Variants in NSD2 observed in about 807,000 individuals in gnomAD.
The protein encoded by NSD2 is nuclear receptor binding SET domain protein 2, also known as histone-lysine N-methyltransferase NSD2.
In NSD2, 12 loss-of-function variants were observed where a neutral mutation model predicts 139.0. That is an observed-to-expected ratio of 0.09 (90% CI 0.06 to 0.14). The LOEUF is 0.14. NSD2 is among the 10% of genes least tolerant of loss of function. NSD2 has a pLI of 1.00. For missense variants in NSD2, 1,155 were observed against 1,745.0 expected, an observed-to-expected ratio of 0.66 and a Z score of 6.02; for synonymous variants, 669 against 648.7, an observed-to-expected ratio of 1.03 and a Z score of -0.48.
At chr4:1,966,289 A>T (rs951812922) in intron 18 of NSD2, among the ~76,000 whole-genome samples, 1 of 152,226 alleles carries the variant, frequency 6.6e-6, no homozygotes, top group African/African-American at 2.4e-5. Flanking sequence ...AAGTAAATAC[A>T]TGGTCAGCTA....
At chr4:1,917,239 C>A (rs1474754245) in intron 4 of NSD2, among the ~76,000 whole-genome samples, 4 of 151,516 alleles carry the variant, frequency 2.6e-5, no homozygotes, top group Non-Finnish European at 5.9e-5. Context: ...TTTTTTTGCT[C>A]ATTTGATGAC....
Position 1,964,467 on chromosome 4 carries a change from A to G in NSD2, c.3372+3316A>G, listed in dbSNP as rs1018949515. Among the ~76,000 whole-genome samples the G allele has an allele frequency of 3.9e-5, 6 of 152,174 alleles. No individual in the cohort carries two copies. The East Asian group carries it at 1.2e-3, about 29-fold the overall frequency. ...GCTCTTGGCACAGCAGCGGCTACCC[A>G]TGCCCCACAGACAGCCATGCACATG... On this transcript the variant is annotated intron_variant, in intron 18 of 21. Transcript: ENST00000508803.
chr4:1,909,139 G>T (rs1290337391), intron 3 of NSD2, among the ~76,000 whole-genome samples: 1 of 151,980 alleles, frequency 6.6e-6, no homozygotes, highest in African/African-American at 2.4e-5. Context: ...TTTGACCAGT[G>T]GGAGTTCTAT....
intron 3 of NSD2, among the ~76,000 whole-genome samples, chr4:1,909,528 G>A (rs1239919839): frequency 6.6e-6 from 1 of 152,146 alleles, no homozygotes; most frequent in Non-Finnish European, 1.5e-5. Context: ...GAGTGTCGTT[G>A]TTTTGGAAGG....
rs112893919 is a variant in NSD2, at chr4:1,904,201, G to T, written c.598-15G>T. ...TTGGATGTGTTAGTGTTTGTCTTCT[G>T]TTGTTCATTTTCAGATTCCAGCTAA... On this transcript the variant is annotated splice_polypyrimidine_tract_variant and intron_variant, in intron 2 of 21. Transcript: ENST00000508803. 6.2e-7 allele frequency: 1 copy of T among 1,611,162 alleles called. No individual in the cohort carries two copies. The highest frequency in any genetic ancestry group is 8.5e-7 in the Non-Finnish European group (1 of 1,178,068).
At chr4:1,930,540 G>A in intron 5 of NSD2, 86 bp from the exon 6 acceptor site, 1 of 1,390,542 alleles carries the variant, frequency 7.2e-7, no homozygotes, top group African/African-American at 1.4e-5. Context: ...AAGTTCTAAA[G>A]GGCCGTGCAT....
chr4:1,933,308 C>G (rs1219511060), intron 6 of NSD2, among the ~76,000 whole-genome samples: 1 of 152,252 alleles, frequency 6.6e-6, no homozygotes, highest in East Asian at 1.9e-4. Context: ...GCTGAGCACT[C>G]TTTTGCTGGT....
chr4:1,939,763 C>T lies in NSD2; in HGVS notation c.1866C>T (p.Ser622=), dbSNP rs1560711604. The change falls in exon 9 of 22, where the codon TCC becomes TCT. Residue 622 remains serine (S), a synonymous_variant. Transcript: ENST00000508803. ...GFSKSSSPSA[S]LTENEVSDSP... ...GCAAAAGTTCATCTCCTTCTGCATC[C>T]TTAACTGAGAATGAGGTAAAATAAT... is the stretch of plus-strand genomic sequence containing the variant. The T allele has an allele frequency of 6.2e-7, 1 of 1,614,184 alleles. No homozygotes were observed. Among genetic ancestry groups the T allele is most frequent in the Non-Finnish European group, 8.5e-7 (1 of 1,180,034 alleles).
Position 1,979,221 on chromosome 4 carries a change from G to A in NSD2, c.*312G>A, listed in dbSNP as rs959414780. On this transcript the variant is annotated 3_prime_UTR_variant, in exon 22 of 22. Coordinates refer to ENST00000508803, the MANE Select transcript of NSD2 (RefSeq NM_001042424.3). ...TCCCACTCTATTTTTTTAGGTTAAA[G>A]TTAATTGGCATATGGAATGTTTTAA... is the stretch of plus-strand genomic sequence containing the variant. 6.2e-6 allele frequency: 2 copies of A among 322,156 alleles called. No individual in the cohort carries two copies. The highest frequency in any genetic ancestry group is 4.9e-5 in the Admixed American group (1 of 20,316). 20.0% of individuals were successfully genotyped at this position (322,156 alleles called of 1,614,324 possible). A position where few individuals can be genotyped will look rare whatever the true frequency, so the allele number is the denominator to read the frequency against.
At chr4:1,947,369 A>G in intron 9 of NSD2, 1 of 1,061,706 alleles carries the variant, frequency 9.4e-7, no homozygotes. Flanking sequence ...CGGCTACACA[A>G]AAGCCTGTGC....
rs1402620802 is a variant in NSD2, at chr4:1,958,526, T to C, written c.2985+490T>C. On this transcript the variant is annotated intron_variant, in intron 16 of 21. Coordinates refer to ENST00000508803, the MANE Select transcript of NSD2 (RefSeq NM_001042424.3). The surrounding 1 kb of genome is among the most constrained non-coding windows in gnomAD (Gnocchi z 4.6). ...AGGAAGTGCAGCCAGGGCAGGGCTC[T>C]GTGAGAGCTCCAGGCCCCTCAGGGC... 1.3e-5 allele frequency among the ~76,000 whole-genome samples: 2 copies of C among 152,236 alleles called. No homozygotes were observed. The highest frequency in any genetic ancestry group is 1.3e-4 in the Admixed American group (2 of 15,284).
chr4:1,892,430 G>A (rs1715651900), intron 1 of NSD2, among the ~76,000 whole-genome samples: 1 of 152,134 alleles, frequency 6.6e-6, no homozygotes, highest in Non-Finnish European at 1.5e-5. Flanking sequence ...GCCCCTTAAC[G>A]TGTCAGGTAA....
At chr4:1,882,703 A>C (rs1260010767) in intron 1 of NSD2, among the ~76,000 whole-genome samples, 2 of 152,170 alleles carry the variant, frequency 1.3e-5, no homozygotes, top group African/African-American at 4.8e-5. Context: ...AACTGGGTTG[A>C]GCCAAGTAAC....
At chr4:1,891,773 C>T (rs1199332683) in intron 1 of NSD2, among the ~76,000 whole-genome samples, 1 of 149,560 alleles carries the variant, frequency 6.7e-6, no homozygotes, top group Non-Finnish European at 1.5e-5. Context: ...AGGAGAATGG[C>T]GTGAACACGG....
chr4:1,961,534 A>T (rs1725369257), intron 18 of NSD2, among the ~76,000 whole-genome samples: 1 of 152,224 alleles, frequency 6.6e-6, no homozygotes, highest in South Asian at 2.1e-4. Context: ...AGGTCTCAGC[A>T]TCTTCTCTGT....
chr4:1,965,136 T>C (rs1377629090), intron 18 of NSD2, among the ~76,000 whole-genome samples: 1 of 130,208 alleles, frequency 7.7e-6, no homozygotes, highest in Non-Finnish European at 1.6e-5. Context: ...GCAGAAACTA[T>C]CCCTAAAAGA....
At chr4:1,917,775 A>G (rs923801226) in intron 4 of NSD2, among the ~76,000 whole-genome samples, 1 of 139,258 alleles carries the variant, frequency 7.2e-6, no homozygotes, top group African/African-American at 2.7e-5. Flanking sequence ...ATGTAAAAGT[A>G]TTCTTTTTTT....
chr4:1,933,299 C>T (rs952679681), intron 6 of NSD2, among the ~76,000 whole-genome samples: 1 of 152,264 alleles, frequency 6.6e-6, no homozygotes, highest in African/African-American at 2.4e-5. Context: ...CCCTGTGGAG[C>T]TGAGCACTCT....
At position 1,904,373 on chromosome 4, in the gene NSD2, T is replaced by A; in HGVS notation, c.755T>A (p.Leu252His). The A allele has an allele frequency of 6.2e-7, 1 of 1,610,288 alleles. No individual in the cohort carries two copies. The highest frequency in any genetic ancestry group is 8.5e-7 in the Non-Finnish European group (1 of 1,178,194). ...CCACTCCTTCACAGCTATACCAAAC[T>A]TAAAGGTATTGTGTTCTTTGGGTTG... is the stretch of plus-strand genomic sequence containing the variant. The part of the protein sequence containing the change: ...ADPLLHSYTK[L>H]KGQKKSARQY... Residue 252 changes from leucine to histidine, a missense_variant, in exon 3 of 22, where the codon CTT becomes CAT. Physicochemically the swap from Leu to His is moderately conservative, Grantham distance 99. This residue lies in a region of NSD2 where 34 missense variants were observed against 75.2 expected (regional missense o/e 0.45). Transcript: ENST00000508803.
Sources: allele counts gnomAD v4.1 joint callset (sites outside exome capture counted in the v4.1 genomes callset), GRCh38; gene constraint gnomAD v4.1.1; regional missense constraint gnomAD v4.1.1; non-coding constraint Gnocchi (gnomAD v3.1); transcripts MANE v1.5; gene names NCBI Gene and HGNC (gene_info 2026-07-23, HGNC 2026-07-21).